Variants in SH3BP2 observed in about 807,000 individuals in gnomAD.
SH3BP2 encodes the protein SH3 domain binding protein 2, also known as SH3 domain-binding protein 2.
In SH3BP2, 38 loss-of-function variants were observed where a neutral mutation model predicts 56.2. That is an observed-to-expected ratio of 0.68 (90% CI 0.52 to 0.89). The LOEUF is 0.89. Ranked by LOEUF, SH3BP2 falls within the 40% of genes least tolerant of loss-of-function variation. The pLI is 0.00. For missense variants in SH3BP2, 748 were observed against 762.6 expected, an observed-to-expected ratio of 0.98 and a Z score of 0.23; for synonymous variants, 346 against 316.7, an observed-to-expected ratio of 1.09 and a Z score of -0.98.
At chr4:2,825,972 G>A (rs950140595) in intron 5 of SH3BP2, among the ~76,000 whole-genome samples, 6 of 152,250 alleles carry the variant, frequency 3.9e-5, no homozygotes, top group African/African-American at 1.4e-4. Context: ...TTCACAGGTG[G>A]GGACAGGAGG....
intron 1 of SH3BP2, among the ~76,000 whole-genome samples, chr4:2,806,793 T>G (rs1043284445): frequency 1.3e-5 from 2 of 152,188 alleles, no homozygotes; most frequent in Non-Finnish European, 2.9e-5. Context: ...GAACCTTTCC[T>G]GGGGACAGAG....
chr4:2,820,512 C>T, intron 1 of SH3BP2, 102 bp from the exon 2 acceptor site: 2 of 1,469,244 alleles, frequency 1.4e-6, no homozygotes, highest in Non-Finnish European at 1.9e-6. Context: ...CCCTACCCTC[C>T]AAGCTGTGTC....
intron 1 of SH3BP2, chr4:2,818,574 C>T: frequency 8.0e-6 from 4 of 501,418 alleles, no homozygotes; most frequent in Non-Finnish European, 1.1e-5. Flanking sequence ...GGACTCAGGC[C>T]GGCACGGGGC....
At chr4:2,830,373 T>TC (rs899140830) in intron 8 of SH3BP2, among the ~76,000 whole-genome samples, 2 of 141,416 alleles carry the variant, frequency 1.4e-5, no homozygotes, top group Admixed American at 6.8e-5. Context: ...TGTTTTTTTT[T>TC]CTTTTTGAGA....
chr4:2,823,450 G>C (rs1326432565), intron 3 of SH3BP2: 3 of 459,344 alleles, frequency 6.5e-6, no homozygotes, highest in South Asian at 3.1e-5. Flanking sequence ...TGGGCCCTAG[G>C]ATTCCCTGCT....
At chr4:2,823,525 AG>A (rs1724426378) in intron 3 of SH3BP2, 1 of 456,330 alleles carries the variant, frequency 2.2e-6, no homozygotes, top group Non-Finnish European at 4.4e-6. Flanking sequence ...GGCTCTATCC[AG>A]TGATGGGCCA....
intron 1 of SH3BP2, 115 bp from the exon 2 acceptor site, chr4:2,820,499 T>A: frequency 7.3e-7 from 1 of 1,363,182 alleles, no homozygotes; most frequent in Non-Finnish European, 1.0e-6. Context: ...TTGCCTGTCA[T>A]GGCCCTACCC....
intron 10 of SH3BP2, 39 bp downstream of exon 10, chr4:2,832,017 T>C (rs781517294): frequency 4.6e-5 from 73 of 1,602,474 alleles, no homozygotes; most frequent in Non-Finnish European, 5.6e-5. Flanking sequence ...TCCTCCGCCA[T>C]GCCCGGCTTC....
chr4:2,812,402 C>T (rs1225758169), intron 1 of SH3BP2: 1 of 1,550,230 alleles, frequency 6.5e-7, no homozygotes, highest in Non-Finnish European at 8.7e-7. Flanking sequence ...AGCCGCATGG[C>T]CTCCCTGGGC....
At chr4:2,801,959 T>C (rs1723298803) in intron 1 of SH3BP2, among the ~76,000 whole-genome samples, 1 of 150,094 alleles carries the variant, frequency 6.7e-6, no homozygotes, top group Non-Finnish European at 1.5e-5. Context: ...AATACAAAAA[T>C]AAGCCAGGCA....
chr4:2,818,019 C>T (rs1292767466), intron 1 of SH3BP2: 1 of 159,266 alleles, frequency 6.3e-6, no homozygotes, highest in Non-Finnish European at 1.3e-5. Flanking sequence ...GCTGCACCAA[C>T]AGATGTGGGC....
At chr4:2,824,410 T>G (rs1030452257) in intron 3 of SH3BP2, among the ~76,000 whole-genome samples, 7 of 152,086 alleles carry the variant, frequency 4.6e-5, no homozygotes, top group Admixed American at 4.6e-4. Flanking sequence ...CCAGCACCCC[T>G]CTTCCATGCC....
chr4:2,808,818 C>A, intron 1 of SH3BP2, among the ~76,000 whole-genome samples: 1 of 33,894 alleles, frequency 3.0e-5, no homozygotes, highest in Non-Finnish European at 5.3e-5. Context: ...AGGCTCTGTG[C>A]CCACCCACCC....
chr4:2,801,339 C>T (rs1300408732), intron 1 of SH3BP2, among the ~76,000 whole-genome samples: 1 of 152,204 alleles, frequency 6.6e-6, no homozygotes, highest in Non-Finnish European at 1.5e-5. Context: ...TCATCCTGTC[C>T]CCTGCCCGGG....
At chr4:2,807,414 G>GCCCTGCCATGGGTCCTGCCATGGGTCCT (rs1723578002) in intron 1 of SH3BP2, among the ~76,000 whole-genome samples, 1 of 152,172 alleles carries the variant, frequency 6.6e-6, no homozygotes, top group South Asian at 2.1e-4. Context: ...TCCTGCCATG[G>GCCCTGCCATGGGTCCTGCCATGGGTCCT]GCCTGGTGCC....
chr4:2,806,277 G>T (rs1251428969), intron 1 of SH3BP2, among the ~76,000 whole-genome samples: 6 of 152,198 alleles, frequency 3.9e-5, no homozygotes, highest in African/African-American at 1.4e-4. Context: ...AGGGTGCCCA[G>T]GCTGGCTGCG....
intron 5 of SH3BP2, among the ~76,000 whole-genome samples, chr4:2,826,141 G>A (rs1202700178): frequency 1.3e-5 from 2 of 152,256 alleles, no homozygotes; most frequent in African/African-American, 4.8e-5. Context: ...CAGTCAGGGC[G>A]GCCATCCTTG....
At chr4:2,794,140 A>G (rs1560091779) in intron 1 of SH3BP2, 1 of 152,394 alleles carries the variant, frequency 6.6e-6, no homozygotes, top group Non-Finnish European at 1.5e-5. Flanking sequence ...GCCTGCCTGG[A>G]TGACATGTGT....
intron 4 of SH3BP2, 186 bp from the exon 5 acceptor site, chr4:2,824,939 AG>A: frequency 1.5e-6 from 1 of 683,480 alleles, no homozygotes; most frequent in South Asian, 1.7e-5. Context: ...CGCCCACACA[AG>A]GAACATGCTG....
Sources: gnomAD v4.1 joint callset for allele counts (sites outside exome capture counted in the v4.1 genomes callset) on GRCh38, gnomAD v4.1.1 for gene constraint, MANE v1.5 for transcripts, NCBI Gene and HGNC (gene_info 2026-07-23, HGNC 2026-07-21) for gene names.